The following CCDC91 variants were observed in gnomAD, a reference collection of about 807,000 sequenced individuals.
CCDC91 encodes coiled-coil domain containing 91.
CCDC91 carries 48 observed loss-of-function variants against 63.2 expected under a neutral mutation model. The observed-to-expected ratio is 0.76, with a 90% CI of 0.60 to 0.97. CCDC91 has a LOEUF of 0.97. CCDC91 is among the 50% of genes least tolerant of loss of function. The pLI is 0.00. For missense variants in CCDC91, 500 were observed against 494.6 expected, an observed-to-expected ratio of 1.01 and a Z score of -0.10; for synonymous variants, 167 against 165.8, an observed-to-expected ratio of 1.01 and a Z score of -0.06.
intron 12 of CCDC91, among the ~76,000 whole-genome samples, chr12:28,546,268 T>C (rs1344958869): frequency 6.6e-6 from 1 of 152,114 alleles, no homozygotes; most frequent in Non-Finnish European, 1.5e-5. Context: ...GTGCCTATGA[T>C]AAAAGAGTTA....
chr12:28,320,285 T>G (rs193152353), intron 6 of CCDC91, among the ~76,000 whole-genome samples: 5 of 152,042 alleles, frequency 3.3e-5, no homozygotes, highest in Admixed American at 1.3e-4. Flanking sequence ...TTTTATCTTC[T>G]TTGCTAGATA....
intron 6 of CCDC91, among the ~76,000 whole-genome samples, chr12:28,313,959 A>G (rs1370615603): frequency 1.3e-5 from 2 of 152,054 alleles, no homozygotes; most frequent in African/African-American, 4.8e-5. Flanking sequence ...AGCTCATCAG[A>G]TAGCACATGT....
At chr12:28,340,572 T>C (rs1391786714) in intron 6 of CCDC91, among the ~76,000 whole-genome samples, 9 of 152,198 alleles carry the variant, frequency 5.9e-5, no homozygotes, top group Admixed American at 5.2e-4. Flanking sequence ...GTCTTTCTTA[T>C]ATTGCATCAC....
At chr12:28,392,155 G>A (rs973923041) in intron 8 of CCDC91, among the ~76,000 whole-genome samples, 5 of 152,068 alleles carry the variant, frequency 3.3e-5, no homozygotes, top group Non-Finnish European at 5.9e-5. Flanking sequence ...ATTTTAATAA[G>A]TGGCTTGGAA....
intron 1 of CCDC91, among the ~76,000 whole-genome samples, chr12:28,205,884 C>G (rs1417160266): frequency 6.6e-6 from 1 of 152,130 alleles, no homozygotes. Flanking sequence ...AGCAGTTCTC[C>G]CCTTTTGCTC....
rs555722753 is a variant in CCDC91 at position 28,351,411 on chromosome 12, G to T, written c.577-11027G>T. On this transcript the variant is annotated intron_variant, in intron 6 of 12. Coordinates refer to ENST00000536442, the MANE Select transcript of CCDC91 (RefSeq NM_018318.5). ...TCAAGGCCTAAGACTAATCCTCTAT[G>T]GCTTGATGCTTTGCCATCTAAGCCC... Among the ~76,000 whole-genome samples the T allele has an allele frequency of 3.9e-5, 6 of 152,332 alleles. 1 individual carries two copies. The South Asian group carries it at 1.2e-3, about 32-fold the overall frequency.
intron 7 of CCDC91, among the ~76,000 whole-genome samples, chr12:28,379,469 A>C (rs79334376): frequency 6.6e-6 from 1 of 150,900 alleles, no homozygotes. Flanking sequence ...AAAAAAAAAA[A>C]CCATAACCCC....
At chr12:28,422,990 G>A (rs946438142) in intron 8 of CCDC91, among the ~76,000 whole-genome samples, 1 of 151,812 alleles carries the variant, frequency 6.6e-6, no homozygotes, top group Non-Finnish European at 1.5e-5. Context: ...TTATTGTTTG[G>A]CTTATTAATC....
At chr12:28,539,922 AAG>A (rs1429051123) in intron 12 of CCDC91, among the ~76,000 whole-genome samples, 2 of 152,130 alleles carry the variant, frequency 1.3e-5, no homozygotes, top group African/African-American at 2.4e-5. Flanking sequence ...TTTATGTAAA[AAG>A]AGAGAAAAAG....
At chr12:28,257,306 A>C in intron 2 of CCDC91, 61 bp downstream of exon 2, 2 of 1,058,962 alleles carry the variant, frequency 1.9e-6, no homozygotes. Flanking sequence ...GGAGTAAACT[A>C]TTTTGAAAAT....
At chr12:28,203,686 T>C (rs1942632905) in intron 1 of CCDC91, among the ~76,000 whole-genome samples, 1 of 152,196 alleles carries the variant, frequency 6.6e-6, no homozygotes, top group Non-Finnish European at 1.5e-5. Flanking sequence ...TTGTTGATTA[T>C]ATGAGTGAAA....
intron 11 of CCDC91, among the ~76,000 whole-genome samples, chr12:28,468,361 A>G (rs1950643852): frequency 6.6e-6 from 1 of 151,852 alleles, no homozygotes; most frequent in Non-Finnish European, 1.5e-5. Flanking sequence ...ACAAATTTGT[A>G]GTTACATGCA....
rs78027860 is a variant in CCDC91 at position 28,336,992 on chromosome 12, G to A, written c.577-25446G>A. The stretch of plus-strand genomic sequence containing the variant: ...TTCAAATTCCTTCTATAATAAAATT[G>A]TCAATAGCTCTGTGTTTCATCCTGA... On this transcript the variant is annotated intron_variant, in intron 6 of 12. Coordinates refer to ENST00000536442, the MANE Select transcript of CCDC91 (RefSeq NM_018318.5). Among the ~76,000 whole-genome samples the A allele has an allele frequency of 2.2e-3, 328 of 151,888 alleles. 3 individuals carry two copies. Among genetic ancestry groups the A allele is most frequent in the African/African-American group, 7.5e-3 (310 of 41,420 alleles).
chr12:28,459,535 G>A lies in CCDC91; in HGVS notation c.1101+6881G>A, dbSNP rs867272388. Among the ~76,000 whole-genome samples the A allele has an allele frequency of 2.9e-4, 44 of 152,120 alleles. 1 individual carries two copies. Among genetic ancestry groups the A allele is most frequent in the African/African-American group, 8.2e-4 (34 of 41,470 alleles). On this transcript the variant is annotated intron_variant, in intron 11 of 12. Transcript: ENST00000536442. ...TTAGAGTTATTTAAAATAGTGCTTC[G>A]GATGTTATTATCCCCTTTTTAAAGA...
intron 12 of CCDC91, among the ~76,000 whole-genome samples, chr12:28,544,154 T>G (rs1156831812): frequency 6.6e-6 from 1 of 151,894 alleles, no homozygotes; most frequent in African/African-American, 2.4e-5. Context: ...GGGCCCTTTA[T>G]GCTCTGGCCT....
intron 11 of CCDC91, 39 bp from the exon 12 acceptor site, chr12:28,484,013 G>A: frequency 8.0e-7 from 1 of 1,243,906 alleles, no homozygotes; most frequent in Non-Finnish European, 1.2e-6. Flanking sequence ...ATGTCATAGT[G>A]CTCACCTCCC....
chr12:28,219,249 T>G (rs1312090510), intron 1 of CCDC91, among the ~76,000 whole-genome samples: 1 of 152,166 alleles, frequency 6.6e-6, no homozygotes, highest in African/African-American at 2.4e-5. Flanking sequence ...AGATCTTTTA[T>G]AAAGTGTCTA....
At chr12:28,367,332 T>C (rs1944339976) in intron 7 of CCDC91, among the ~76,000 whole-genome samples, 1 of 151,914 alleles carries the variant, frequency 6.6e-6, no homozygotes, top group African/African-American at 2.4e-5. Context: ...ATTTTAGAAG[T>C]AGAAATACAA....
rs114587686 is a variant in CCDC91 at position 28,533,414 on chromosome 12, C to T, written c.1216-15649C>T. Reference sequence around the variant, plus strand: ...CATTTTATTTTCCATCAATAGTTTACGTGGCTGTAAAATATGTACTATCTT... The same window carrying T: ...CATTTTATTTTCCATCAATAGTTTATGTGGCTGTAAAATATGTACTATCTT... On this transcript the variant is annotated intron_variant, in intron 12 of 12. Transcript: ENST00000536442. Among the ~76,000 whole-genome samples, 333 of 152,054 alleles carry T rather than the reference C, an allele frequency of 2.2e-3. 3 individuals are homozygous for T. The highest frequency in any genetic ancestry group is 7.6e-3 in the African/African-American group (315 of 41,518).
Sources: gnomAD v4.1 joint callset for allele counts (sites outside exome capture counted in the v4.1 genomes callset) on GRCh38, gnomAD v4.1.1 for gene constraint, MANE v1.5 for transcripts, NCBI Gene and HGNC (gene_info 2026-07-23, HGNC 2026-07-21) for gene names.